The following VAV3 variants were observed in gnomAD, a reference collection of about 807,000 sequenced individuals.
VAV3 encodes the protein guanine nucleotide exchange factor VAV3.
VAV3 carries 94 observed loss-of-function variants against 131.2 expected under a neutral mutation model. That is an observed-to-expected ratio of 0.72 (90% CI 0.61 to 0.85). The LOEUF is 0.85. Ranked by LOEUF, VAV3 falls within the 40% of genes least tolerant of loss-of-function variation. VAV3 has a pLI of 0.00. For synonymous variants in VAV3, 349 were observed against 342.0 expected (o/e 1.02, Z -0.22); for missense variants, 939 against 1,002.7 (o/e 0.94, Z 0.86).
intron 19 of VAV3, among the ~76,000 whole-genome samples, chr1:107,680,919 A>G (rs1487706127): frequency 6.6e-6 from 1 of 152,156 alleles, no homozygotes; most frequent in Non-Finnish European, 1.5e-5. Context: ...GCTGTGTTTC[A>G]TTAGCATATC....
At position 107,769,503 on chromosome 1, in the gene VAV3, C is replaced by G. The variant is rs115922106; in HGVS notation, c.649-994G>C. The stretch of plus-strand genomic sequence containing the variant: ...CCTCTAAATGTGAGAGTCTGGAGAG[C>G]TGGCCTCAAACCTCTTCCCTAACAT... On this transcript the variant is annotated intron_variant, in intron 6 of 26. Coordinates refer to ENST00000370056, the MANE Select transcript of VAV3 (RefSeq NM_006113.5). Among the ~76,000 whole-genome samples the G allele has an allele frequency of 4.4e-3, 672 of 152,362 alleles. 5 individuals are homozygous for G. Among genetic ancestry groups the G allele is most frequent in the African/African-American group, 0.015 (644 of 41,582 alleles).
chr1:107,899,207 A>C (rs1414316944), intron 1 of VAV3, among the ~76,000 whole-genome samples: 1 of 152,222 alleles, frequency 6.6e-6, no homozygotes, highest in East Asian at 1.9e-4. Context: ...ATAAATTATG[A>C]AAGTATCTAT....
intron 1 of VAV3, among the ~76,000 whole-genome samples, chr1:107,917,102 T>C (rs345310): frequency 0.78 from 118,052 of 152,054 alleles, 46,353 homozygotes; most frequent in East Asian, 0.98. Flanking sequence ...AAAGTCATCA[T>C]GGTTTCTGAA....
At chr1:107,863,016 T>C (rs1282810417) in intron 2 of VAV3, among the ~76,000 whole-genome samples, 1 of 152,092 alleles carries the variant, frequency 6.6e-6, no homozygotes, top group Non-Finnish European at 1.5e-5. Context: ...TGGCACAATA[T>C]AGCAAAAATC....
intron 2 of VAV3, chr1:107,820,640 TGATAAA>T (rs1397442680): frequency 6.6e-6 from 1 of 152,042 alleles, no homozygotes; most frequent in Non-Finnish European, 1.5e-5. Flanking sequence ...CACAAAGAAA[TGATAAA>T]TATTTGAGTC....
chr1:107,650,364 C>A (rs767601663), intron 19 of VAV3, among the ~76,000 whole-genome samples: 1 of 151,764 alleles, frequency 6.6e-6, no homozygotes, highest in Admixed American at 6.6e-5. Flanking sequence ...CATCCACCAA[C>A]CCAAGGGAAA....
chr1:107,591,964 T>C (rs937924215), intron 25 of VAV3, among the ~76,000 whole-genome samples: 4 of 152,098 alleles, frequency 2.6e-5, no homozygotes, highest in Admixed American at 2.6e-4. Flanking sequence ...AATTTGCCAA[T>C]TGTATCACAT....
intron 2 of VAV3, among the ~76,000 whole-genome samples, chr1:107,817,303 A>T (rs118137364): frequency 6.6e-6 from 1 of 152,102 alleles, no homozygotes; most frequent in African/African-American, 2.4e-5. Flanking sequence ...GATTTCCATT[A>T]TCAGAGAAGG....
intron 4 of VAV3, among the ~76,000 whole-genome samples, chr1:107,773,450 G>C (rs1665162928): frequency 6.6e-6 from 1 of 152,172 alleles, no homozygotes; most frequent in Middle Eastern, 3.2e-3. Flanking sequence ...ATCTAATCCA[G>C]TGGTTTTCAA....
intron 2 of VAV3, among the ~76,000 whole-genome samples, chr1:107,863,500 A>C (rs555656897): frequency 7.2e-5 from 11 of 152,320 alleles, no homozygotes; most frequent in African/African-American, 2.6e-4. Context: ...CAGACCCTGC[A>C]AGATCTCAAG....
intron 19 of VAV3, among the ~76,000 whole-genome samples, chr1:107,643,767 C>T (rs1049888684): frequency 6.6e-6 from 1 of 152,128 alleles, no homozygotes; most frequent in Non-Finnish European, 1.5e-5. Context: ...AATGCTTCAG[C>T]AAACAGTTTA....
At chr1:107,905,662 A>AT (rs1451584700) in intron 1 of VAV3, among the ~76,000 whole-genome samples, 1 of 152,162 alleles carries the variant, frequency 6.6e-6, no homozygotes, top group African/African-American at 2.4e-5. Flanking sequence ...TAGCACATTG[A>AT]TTTTTTCAGT....
Position 107,874,979 on chromosome 1 carries a change from G to A in VAV3, c.243C>T (p.Ala81=). The change falls in exon 2 of 27, where the codon GCC becomes GCT. Residue 81 remains alanine (A), a synonymous_variant. Transcript: ENST00000370056. The part of the protein sequence containing the change: ...CLKNIRTFLT[A]CCETFGMRKS... ...TCCTCATTCCAAACGTCTCACAACA[G>A]GCCGTGAGAAATGTCCTTATGTTCT... 6.2e-7 allele frequency: 1 copy of A among 1,613,340 alleles called. No homozygotes were observed. The highest frequency in any genetic ancestry group is 8.5e-7 in the Non-Finnish European group (1 of 1,179,514).
chr1:107,709,319 G>GA (rs1389891099), intron 15 of VAV3, among the ~76,000 whole-genome samples: 18 of 152,114 alleles, frequency 1.2e-4, no homozygotes, highest in East Asian at 3.9e-4. Flanking sequence ...ATAGAAATCA[G>GA]AAAAAATATG....
intron 22 of VAV3, among the ~76,000 whole-genome samples, chr1:107,609,174 A>G (rs1456397335): frequency 6.6e-6 from 1 of 152,218 alleles, no homozygotes; most frequent in Non-Finnish European, 1.5e-5. Context: ...TACAAAGCAC[A>G]TATAGTAAAT....
intron 15 of VAV3, among the ~76,000 whole-genome samples, chr1:107,731,886 GA>G (rs1346581993): frequency 6.6e-6 from 1 of 152,150 alleles, no homozygotes; most frequent in South Asian, 2.1e-4. Flanking sequence ...GAATCGATGG[GA>G]AAAAACAACT....
intron 15 of VAV3, among the ~76,000 whole-genome samples, chr1:107,731,427 A>G (rs905330507): frequency 6.6e-6 from 1 of 152,182 alleles, no homozygotes; most frequent in African/African-American, 2.4e-5. Context: ...TTATTCATAA[A>G]ACAATATGTT....
chr1:107,767,514 A>T (rs1214730605), intron 7 of VAV3, among the ~76,000 whole-genome samples: 1 of 152,212 alleles, frequency 6.6e-6, no homozygotes, highest in Non-Finnish European at 1.5e-5. Context: ...CCTTCAGCTG[A>T]TATTGTGCAT....
rs1368650134 is a variant in VAV3 at position 107,573,293 on chromosome 1, T to C, written c.*38A>G. On this transcript the variant is annotated 3_prime_UTR_variant, in exon 27 of 27. Transcript: ENST00000370056. ...TGCAGGCTTCTATTTATCCCTTCTCTGAAATTTTTGGTGCAGGGTGCAACA... is the reference window on the plus strand; with the variant it reads ...TGCAGGCTTCTATTTATCCCTTCTCCGAAATTTTTGGTGCAGGGTGCAACA... 1.9e-5 allele frequency: 31 copies of C among 1,609,856 alleles called. No homozygotes were observed. Among genetic ancestry groups the C allele is most frequent in the Non-Finnish European group, 2.6e-5 (31 of 1,178,656 alleles).
Sources: allele counts gnomAD v4.1 joint callset (sites outside exome capture counted in the v4.1 genomes callset), GRCh38; gene constraint gnomAD v4.1.1; transcripts MANE v1.5; gene names NCBI Gene and HGNC (gene_info 2026-07-23, HGNC 2026-07-21).